Variants in ACVR1C observed in about 807,000 individuals in gnomAD.
The protein encoded by ACVR1C is activin A receptor type 1C.
A neutral mutation model predicts 57.9 loss-of-function variants in ACVR1C; 23 were observed. That is an observed-to-expected ratio of 0.40 (90% CI 0.29 to 0.56). The LOEUF (loss-of-function observed/expected upper bound fraction) is 0.56. ACVR1C is among the 20% of genes least tolerant of loss of function. The pLI, the probability that ACVR1C is intolerant of heterozygous loss-of-function variation, is 0.50. For missense variants in ACVR1C, 480 were observed against 607.9 expected (o/e 0.79, Z 2.21); for synonymous variants, 214 against 215.3 (o/e 0.99, Z 0.05).
intron 3 of ACVR1C, among the ~76,000 whole-genome samples, chr2:157,551,080 T>G (rs963137535): frequency 6.6e-6 from 1 of 152,210 alleles, no homozygotes; most frequent in Non-Finnish European, 1.5e-5. Flanking sequence ...GTCAAGATGT[T>G]TAATATCTTA....
chr2:157,623,982 TTACTAATTA>T (rs1682841971), intron 1 of ACVR1C, among the ~76,000 whole-genome samples: 1 of 152,210 alleles, frequency 6.6e-6, no homozygotes, highest in Non-Finnish European at 1.5e-5. Flanking sequence ...TTTGTTCTGT[TTACTAATTA>T]TACTTGAAAA....
At chr2:157,592,910 T>C (rs971747232) in intron 1 of ACVR1C, among the ~76,000 whole-genome samples, 2 of 152,128 alleles carry the variant, frequency 1.3e-5, no homozygotes, top group African/African-American at 4.8e-5. Context: ...TACAATGTAT[T>C]TGAGTCCTAT....
chr2:157,627,719 T>G (rs1179469812), intron 1 of ACVR1C, among the ~76,000 whole-genome samples: 3 of 152,234 alleles, frequency 2.0e-5, no homozygotes, highest in Non-Finnish European at 4.4e-5. Flanking sequence ...GATAGAAATT[T>G]TTAAAGAATG....
chr2:157,563,981 G>C (rs1688301628), intron 2 of ACVR1C, among the ~76,000 whole-genome samples: 1 of 151,992 alleles, frequency 6.6e-6, no homozygotes, highest in Non-Finnish European at 1.5e-5. Flanking sequence ...TGGATTAAAG[G>C]CTTAAATGTA....
At chr2:157,551,206 T>C (rs1419333636) in intron 3 of ACVR1C, among the ~76,000 whole-genome samples, 3 of 152,192 alleles carry the variant, frequency 2.0e-5, no homozygotes, top group African/African-American at 7.2e-5. Context: ...CACCTGGTAA[T>C]CATGCACAAG....
intron 1 of ACVR1C, among the ~76,000 whole-genome samples, chr2:157,594,857 T>C (rs1012418524): frequency 2.6e-5 from 4 of 152,220 alleles, no homozygotes; most frequent in African/African-American, 9.6e-5. Flanking sequence ...CAATTAGAGC[T>C]TAAAACTGGC....
intron 1 of ACVR1C, among the ~76,000 whole-genome samples, chr2:157,617,086 A>C (rs1272041782): frequency 6.6e-6 from 1 of 152,062 alleles, no homozygotes; most frequent in Non-Finnish European, 1.5e-5. Context: ...TAAAGACACG[A>C]TAGAAAGGAA....
chr2:157,572,448 T>C (rs1009468363), intron 2 of ACVR1C, among the ~76,000 whole-genome samples: 8 of 151,966 alleles, frequency 5.3e-5, no homozygotes, highest in African/African-American at 1.9e-4. Context: ...AGCAGCTTGC[T>C]CACTTGGAAA....
intron 1 of ACVR1C, among the ~76,000 whole-genome samples, chr2:157,604,007 T>C (rs142511048): frequency 2.0e-5 from 3 of 152,202 alleles, no homozygotes; most frequent in African/African-American, 4.8e-5. Flanking sequence ...CGTTTAACTA[T>C]TGTTGTTATT....
At chr2:157,605,196 A>G (rs1682364920) in intron 1 of ACVR1C, among the ~76,000 whole-genome samples, 1 of 150,060 alleles carries the variant, frequency 6.7e-6, no homozygotes. Flanking sequence ...ATCAATTGAC[A>G]TATATATATA....
At chr2:157,623,443 A>C (rs2105160587) in intron 1 of ACVR1C, among the ~76,000 whole-genome samples, 1 of 152,350 alleles carries the variant, frequency 6.6e-6, no homozygotes, top group Non-Finnish European at 1.5e-5. Flanking sequence ...AATGAGATCC[A>C]GTCATTTGCA....
chr2:157,537,706 G>C (rs563059485), intron 8 of ACVR1C, among the ~76,000 whole-genome samples: 10 of 152,196 alleles, frequency 6.6e-5, no homozygotes, highest in Non-Finnish European at 1.3e-4. Flanking sequence ...AAAATAGACA[G>C]CAATAACTGA....
In ACVR1C at chr2:157,553,960, A is replaced by G. The variant is rs191431952; in HGVS notation, c.544+2133T>C. 3.6e-3 allele frequency among the ~76,000 whole-genome samples: 554 copies of G among 152,006 alleles called. 5 individuals are homozygous for G. Among genetic ancestry groups the G allele is most frequent in the Non-Finnish European group, 4.1e-3 (279 of 68,002 alleles). ...CACTTTGGGTGGCCAAGGCAGGCAG[A>G]TCACTTGAGTTCAGGAGTTTGAGAC... On this transcript the variant is annotated intron_variant, in intron 3 of 8. Coordinates refer to ENST00000243349, the MANE Select transcript of ACVR1C (RefSeq NM_145259.3).
rs1465620958 is a variant in ACVR1C at position 157,533,914 on chromosome 2, A to G, written c.*4T>C. On this transcript the variant is annotated 3_prime_UTR_variant, in exon 9 of 9. Transcript: ENST00000243349. ...GAGATTTCTTTTTAACATAATTATC[A>G]TCATTAGGCTTTGCAGTCTTCTTTG... 3 of 1,546,738 alleles carry G rather than the reference A, an allele frequency of 1.9e-6. No individual in the cohort carries two copies. The highest frequency in any genetic ancestry group is 1.4e-5 in the African/African-American group (1 of 70,656).
intron 1 of ACVR1C, among the ~76,000 whole-genome samples, chr2:157,627,216 G>A (rs1234860642): frequency 6.6e-6 from 1 of 151,860 alleles, no homozygotes; most frequent in Admixed American, 6.6e-5. Flanking sequence ...ACTTTTTTTT[G>A]TAAACTCTAT....
intron 1 of ACVR1C, among the ~76,000 whole-genome samples, chr2:157,596,413 A>G (rs1013424683): frequency 1.3e-5 from 2 of 152,190 alleles, no homozygotes; most frequent in Admixed American, 6.5e-5. Flanking sequence ...AATAAAATAC[A>G]TCACTCCTAA....
intron 1 of ACVR1C, among the ~76,000 whole-genome samples, chr2:157,597,157 C>A (rs183320753): frequency 2.6e-5 from 4 of 152,176 alleles, no homozygotes; most frequent in Admixed American, 1.3e-4. Flanking sequence ...CTGAGGAAAC[C>A]GCGGCAGTCC....
At chr2:157,602,247 T>A (rs549845343) in intron 1 of ACVR1C, among the ~76,000 whole-genome samples, 1 of 152,286 alleles carries the variant, frequency 6.6e-6, no homozygotes, top group Admixed American at 6.5e-5. Context: ...TTGGGCCCAA[T>A]AATTTCAACA....
chr2:157,542,620 C>T, intron 6 of ACVR1C, 86 bp downstream of exon 6: 4 of 1,442,794 alleles, frequency 2.8e-6, no homozygotes, highest in East Asian at 4.8e-5. Flanking sequence ...CCTATTTGGA[C>T]CTGAGCCTCC....
Sources: allele counts gnomAD v4.1 joint callset (sites outside exome capture counted in the v4.1 genomes callset), GRCh38; gene constraint gnomAD v4.1.1; transcripts MANE v1.5; gene names NCBI Gene and HGNC (gene_info 2026-07-23, HGNC 2026-07-21).